RPS13: variants seen among roughly 807,000 people sequenced by gnomAD.
RPS13 encodes ribosomal protein S13.
RPS13 carries 1 observed loss-of-function variant against 24.6 expected under a neutral mutation model. The ratio of observed to expected loss-of-function variants is 0.04; its 90% CI spans 0.01 to 0.19. The LOEUF (loss-of-function observed/expected upper bound fraction) is 0.19, where lower values mean the gene tolerates loss of function less well. RPS13 is among the 10% of genes least tolerant of loss of function. RPS13 has a pLI of 1.00. For missense variants in RPS13, 88 were observed against 187.4 expected, an observed-to-expected ratio of 0.47 and a Z score of 3.10; for synonymous variants, 69 against 65.3, an observed-to-expected ratio of 1.06 and a Z score of -0.27.
chr11:17,077,595 T>C lies in RPS13; in HGVS notation c.23+24A>G, dbSNP rs759037619. 6.6e-6 allele frequency: 4 copies of C among 609,280 alleles called. No homozygotes were observed. The East Asian group carries it at 1.7e-4, about 26-fold the overall frequency. The allele number at this position is 609,280 out of a possible 1,614,324, so 37.7% of individuals were successfully genotyped here. ...CTTCCTCCCACCCCCCGCCCAGCAA[T>C]CCGGCTTGATGCCCCGAGCTCACCC... is the stretch of plus-strand genomic sequence containing the variant. On this transcript the variant is annotated intron_variant, in intron 1 of 5. Transcript: ENST00000525634.
In RPS13 at chr11:17,077,637, C is replaced by A. The variant is rs772923853; in HGVS notation, c.5G>T (p.Gly2Val). 1 of 1,611,968 alleles carries A rather than the reference C, an allele frequency of 6.2e-7. No homozygotes were observed. The highest frequency in any genetic ancestry group is 8.5e-7 in the Non-Finnish European group (1 of 1,179,164). ...AGCTCACCCGGGAGCATGCATGCGA[C>A]CCATGATGGCGGCGATCAGGCAACG... MGRMHAPGKGLS... is the reference protein window; with the variant it reads MVRMHAPGKGLS... Residue 2 changes from glycine to valine, a missense_variant, in exon 1 of 6, where the codon GGT (glycine) becomes GTT (valine). Physicochemically the swap from Gly to Val is moderately radical, Grantham distance 109 (BLOSUM62 -3). Coordinates refer to ENST00000525634, the MANE Select transcript of RPS13 (RefSeq NM_001017.3).
rs762774767 is a variant in RPS13 at position 17,074,505 on chromosome 11, T to G, written c.423-39A>C. On this transcript the variant is annotated intron_variant, in intron 5 of 5. Transcript: ENST00000525634. ...AAGGGGAAAGAAAGAAAATCAGGATTAATACTAGTCCCTCCACATTCATTA... is the reference window on the plus strand; with the variant it reads ...AAGGGGAAAGAAAGAAAATCAGGATGAATACTAGTCCCTCCACATTCATTA... 6 of 1,484,888 alleles carry G rather than the reference T, an allele frequency of 4.0e-6. No homozygotes were observed. The South Asian group carries it at 5.7e-5, about 14-fold the overall frequency. 92.0% of individuals were successfully genotyped at this position (1,484,888 alleles called of 1,614,324 possible).
intron 4 of RPS13, 68 bp downstream of exon 4, chr11:17,075,386 T>C (rs1335978660): frequency 1.6e-6 from 2 of 1,286,272 alleles, no homozygotes; most frequent in African/African-American, 1.5e-5. Context: ...ACCAGATGCA[T>C]TACATTTTAC....
At chr11:17,077,561 A>G in intron 1 of RPS13, 58 bp downstream of exon 1, 1 of 1,562,982 alleles carries the variant, frequency 6.4e-7, no homozygotes, top group Admixed American at 1.7e-5. Flanking sequence ...CGCTGCCCAC[A>G]CTCCCTGTCT....
intron 4 of RPS13, 119 bp from the exon 5 acceptor site, chr11:17,075,316 A>T: frequency 5.0e-6 from 5 of 995,340 alleles, no homozygotes; most frequent in Non-Finnish European, 7.5e-6. Flanking sequence ...CTCTTTGGAT[A>T]GAATTTGAAC....
At position 17,075,259 on chromosome 11, in the gene RPS13, A is replaced by G. The variant is rs1848008842; in HGVS notation, c.322-62T>C. On this transcript the variant is annotated intron_variant, in intron 4 of 5. Transcript: ENST00000525634. ...CCAAAATGACCTAACATTATCAAAC[A>G]TTAATAAGAGAATGTAGAGCTACCA... 1.1e-5 allele frequency: 13 copies of G among 1,211,520 alleles called. No homozygotes were observed. The East Asian group carries it at 2.8e-4, about 26-fold the overall frequency. The allele number at this position is 1,211,520 out of a possible 1,614,324, so 75.0% of individuals were successfully genotyped here.
intron 3 of RPS13, 132 bp downstream of exon 3, chr11:17,077,036 C>T (rs1435229092): frequency 1.4e-6 from 1 of 690,164 alleles, no homozygotes; most frequent in Non-Finnish European, 2.6e-6. Context: ...ATGTGAAGTG[C>T]TTACAATGAT....
chr11:17,077,126 C>A (rs201176315), intron 3 of RPS13, 42 bp downstream of exon 3: 1 of 1,446,446 alleles, frequency 6.9e-7, no homozygotes, highest in Non-Finnish European at 9.7e-7. Flanking sequence ...ACAAGTCACA[C>A]GAGGACAGGC....
chr11:17,077,541 C>T, intron 1 of RPS13, 64 bp from the exon 2 acceptor site: 3 of 1,612,494 alleles, frequency 1.9e-6, no homozygotes. Context: ...AGAACATCAT[C>T]CCCTCGGCCC....
At chr11:17,077,323 A>G in intron 2 of RPS13, 77 bp from the exon 3 acceptor site, 1 of 1,578,988 alleles carries the variant, frequency 6.3e-7, no homozygotes, top group Non-Finnish European at 8.7e-7. Flanking sequence ...TCCTTCCGCA[A>G]AACCGCGCTC....
chr11:17,076,537 C>T (rs777757490), intron 3 of RPS13: 2 of 369,464 alleles, frequency 5.4e-6, no homozygotes, highest in East Asian at 9.4e-5. Flanking sequence ...GACTGGGCGA[C>T]AAGAGCAAGA....
intron 5 of RPS13, chr11:17,074,892 C>A: frequency 1.7e-6 from 1 of 605,406 alleles, no homozygotes; most frequent in Non-Finnish European, 2.9e-6. Flanking sequence ...TTATTAAAGA[C>A]AAGCAGCCAC....
At chr11:17,075,899 T>C (rs559319971) in intron 3 of RPS13, 5 of 554,126 alleles carry the variant, frequency 9.0e-6, no homozygotes, top group Non-Finnish European at 1.7e-5. Context: ...CCAAAGGGAT[T>C]AATGAGATTC....
At chr11:17,074,545 C>T in intron 5 of RPS13, 79 bp from the exon 6 acceptor site, 1 of 1,056,462 alleles carries the variant, frequency 9.5e-7, no homozygotes, top group Non-Finnish European at 1.5e-6. Context: ...AATCTCCCCA[C>T]TAATGGTGCT....
intron 1 of RPS13, 44 bp downstream of exon 1, chr11:17,077,575 T>TCCCCCCCCCCCCCC (rs2137239436): frequency 2.2e-6 from 1 of 459,844 alleles, no homozygotes; most frequent in South Asian, 1.6e-5. Context: ...CCTGTCTTCC[T>TCCCCCCCCCCCCCC]CCCACCCCCC....
chr11:17,077,405 C>T, intron 2 of RPS13, 24 bp downstream of exon 2: 1 of 1,601,764 alleles, frequency 6.2e-7, no homozygotes, highest in South Asian at 1.1e-5. Context: ...CCCGGATTCT[C>T]CCCGGTCCCA....
intron 3 of RPS13, among the ~76,000 whole-genome samples, chr11:17,076,186 A>C (rs1848023522): frequency 6.6e-6 from 1 of 152,096 alleles, no homozygotes; most frequent in Non-Finnish European, 1.5e-5. Context: ...CAGGAGTCTG[A>C]GACCAGCCTG....
In RPS13 at chr11:17,077,451, G is replaced by A. The variant is rs1848038148; in HGVS notation, c.50C>T (p.Pro17Leu). 1 of 1,613,350 alleles carries A rather than the reference G, an allele frequency of 6.2e-7. No homozygotes were observed. The highest frequency in any genetic ancestry group is 8.5e-7 in the Non-Finnish European group (1 of 1,179,800). Residue 17 changes from proline (P) to leucine (L), a missense_variant, in exon 2 of 6, where the codon CCC (proline) becomes CTC (leucine). Coordinates refer to ENST00000525634, the MANE Select transcript of RPS13 (RefSeq NM_001017.3). ...PGKGLSQSAL[P>L]YRRSVPTWLK... ...TACAGTGGGGACGCTGCGTCGATAG[G>A]GTAAAGCCGACTGGGACAGGCCCTT... is the stretch of plus-strand genomic sequence containing the variant.
intron 3 of RPS13, chr11:17,076,894 T>A: frequency 1.9e-6 from 1 of 514,192 alleles, no homozygotes; most frequent in Non-Finnish European, 3.5e-6. Flanking sequence ...CTCCTCCACT[T>A]GACAGCTGTG....
Sources: allele counts gnomAD v4.1 joint callset (sites outside exome capture counted in the v4.1 genomes callset), GRCh38; gene constraint gnomAD v4.1.1; transcripts MANE v1.5; gene names NCBI Gene and HGNC (gene_info 2026-07-23, HGNC 2026-07-21).